USP54: variants seen among roughly 807,000 people sequenced by gnomAD.
The protein encoded by USP54 is ubiquitin specific peptidase 54.
A neutral mutation model predicts 170.5 loss-of-function variants in USP54; 87 were observed. That is an observed-to-expected ratio of 0.51 (90% CI 0.43 to 0.61). The LOEUF (loss-of-function observed/expected upper bound fraction) is 0.61, where lower values mean the gene tolerates loss of function less well. Among genes scored for constraint, USP54 ranks in the 20% least tolerant of loss-of-function variants. The pLI, the probability that USP54 is intolerant of heterozygous loss-of-function variation, is 0.00. For synonymous variants in USP54, 655 were observed against 742.8 expected (o/e 0.88, Z 1.92); for missense variants, 1,786 against 2,047.8 (o/e 0.87, Z 2.47).
In USP54 at chr10:73,534,734, T is replaced by G. The variant is rs1327927382; in HGVS notation, c.1181A>C (p.Asp394Ala). ...GTAGGGATAGCTCTCCGTTGAGGAA[T>G]CTGTTCGAGTGTCACTTGAGATGGA... ...EPSISSDTRTDSSTESYPYKH... is the reference protein window; with the variant it reads ...EPSISSDTRTASSTESYPYKH... Residue 394 changes from aspartate to alanine, a missense_variant, in exon 12 of 24, where the codon GAT becomes GCT. This residue lies in a region of USP54 where 1,418 missense variants were observed against 1,569.0 expected (regional missense o/e 0.90). Transcript: ENST00000687698. The G allele has an allele frequency of 6.2e-7, 1 of 1,614,054 alleles. No homozygotes were observed.
At chr10:73,550,582 T>C (rs2069028032) in intron 4 of USP54, among the ~76,000 whole-genome samples, 1 of 152,202 alleles carries the variant, frequency 6.6e-6, no homozygotes, top group Non-Finnish European at 1.5e-5. Flanking sequence ...TCTGTGTATA[T>C]TCCCAGCAAC....
Position 73,545,520 on chromosome 10 carries a change from C to A in USP54, c.375+18G>T. 1 of 1,613,372 alleles carries A rather than the reference C, an allele frequency of 6.2e-7. No homozygotes were observed. The highest frequency in any genetic ancestry group is 8.5e-7 in the Non-Finnish European group (1 of 1,179,470). On this transcript the variant is annotated intron_variant, in intron 5 of 23. Coordinates refer to ENST00000687698, the MANE Select transcript of USP54 (RefSeq NM_001391956.1). ...CAGTCCCACCCCATATCAAAGAGGG[C>A]CAGAGGCCAGCACTTACAAAGCACT... is the stretch of plus-strand genomic sequence containing the variant.
chr10:73,510,521 T>TGCA (rs1347003619), intron 20 of USP54, among the ~76,000 whole-genome samples: 1 of 150,142 alleles, frequency 6.7e-6, no homozygotes, highest in Non-Finnish European at 1.5e-5. Context: ...GGCAGCTCAC[T>TGCA]GCAACCTCCA....
rs756232820 is a variant in USP54, at chr10:73,505,389, G to A, written c.4089C>T (p.Ala1363=). 1.9e-5 allele frequency: 30 copies of A among 1,613,966 alleles called. No individual in the cohort carries two copies. The Admixed American group carries it at 4.8e-4, about 26-fold the overall frequency. The change falls in exon 21 of 24, where the codon GCC becomes GCT. Residue 1363 remains alanine, a synonymous_variant. Transcript: ENST00000687698. ...ADGMGRRLHS[A]HDPGLSKTST... ...AAGTCTTTGAGAGACCAGGATCATG[G>A]GCTGAGTGCAACCTCCTCCCCATGC...
At chr10:73,531,969 T>C (rs2064073952) in intron 12 of USP54, among the ~76,000 whole-genome samples, 1 of 152,094 alleles carries the variant, frequency 6.6e-6, no homozygotes, top group Non-Finnish European at 1.5e-5. Context: ...CTAGGTCAAA[T>C]GCATGGAGAG....
chr10:73,560,388 C>T (rs1234516443), intron 4 of USP54, among the ~76,000 whole-genome samples: 1 of 151,874 alleles, frequency 6.6e-6, no homozygotes, highest in Non-Finnish European at 1.5e-5. Context: ...GGCATGGTGG[C>T]TCACGCCTGT....
Position 73,599,473 on chromosome 10 carries a change from G to GT in USP54, c.-17-23799dup, listed in dbSNP as rs1445101610. On this transcript the variant is annotated intron_variant, in intron 1 of 22. Transcript: ENST00000339859. ...GATTTAACAATTTTACATGTCTATG[G>GT]TTTTCCAACTACTTTCCTTTCCTCT... Among the ~76,000 whole-genome samples, 3 of 152,034 alleles carry GT rather than the reference G, an allele frequency of 2.0e-5. No homozygotes were observed. The East Asian group carries it at 5.8e-4, about 29-fold the overall frequency.
At chr10:73,562,147 T>C (rs1356590086) in intron 4 of USP54, among the ~76,000 whole-genome samples, 2 of 152,136 alleles carry the variant, frequency 1.3e-5, no homozygotes, top group South Asian at 2.1e-4. Flanking sequence ...ATCTCCATGC[T>C]AGAATTCAGG....
Position 73,500,687 on chromosome 10 carries a change from G to C in USP54, c.4463C>G (p.Pro1488Arg), listed in dbSNP as rs1294973432. 1 of 1,604,918 alleles carries C rather than the reference G, an allele frequency of 6.2e-7. No individual in the cohort carries two copies. The highest frequency in any genetic ancestry group is 1.1e-5 in the South Asian group (1 of 90,310). The change falls in exon 23 of 24, where the codon CCC (proline) becomes CGC (arginine). Residue 1488 changes from proline (P) to arginine (R), a missense_variant. Pro to Arg is a moderately radical substitution (Grantham distance 103). Transcript: ENST00000687698. ...TCTATTGGGCTCCCCTGCCATGGTG[G>C]GCATCAGGACATCTGGGGACAGGAA... ...PQFLSPDVLM[P>R]TMAGEPNRLP... is the part of the protein sequence containing the mutation.
chr10:73,528,751 T>C (rs2063446797), intron 15 of USP54, among the ~76,000 whole-genome samples: 1 of 152,150 alleles, frequency 6.6e-6, no homozygotes, highest in South Asian at 2.1e-4. Flanking sequence ...TGTGCTAGCC[T>C]GGGATTACAG....
At chr10:73,565,785 A>G (rs1490545770) in intron 4 of USP54, among the ~76,000 whole-genome samples, 1 of 152,262 alleles carries the variant, frequency 6.6e-6, no homozygotes, top group Non-Finnish European at 1.5e-5. Flanking sequence ...ATATGTACAC[A>G]TAGGTAAACA....
intron 15 of USP54, chr10:73,529,398 C>T (rs1780162508): frequency 2.3e-6 from 1 of 431,688 alleles, no homozygotes; most frequent in Non-Finnish European, 4.3e-6. Flanking sequence ...ACTCCTATGA[C>T]ACAAGTTTAT....
intron 1 of USP54, among the ~76,000 whole-genome samples, chr10:73,600,284 T>C (rs1202602128): frequency 6.6e-6 from 1 of 152,210 alleles, no homozygotes; most frequent in East Asian, 1.9e-4. Flanking sequence ...TAAAAATTGA[T>C]TTTTTAATTA....
chr10:73,615,146 C>A (rs1366454711), intron 1 of USP54: 2 of 150,154 alleles, frequency 1.3e-5, no homozygotes, highest in African/African-American at 5.0e-5. Flanking sequence ...GAGGCCAGGA[C>A]TTTAAAACTA....
intron 1 of USP54, among the ~76,000 whole-genome samples, chr10:73,589,805 C>A (rs1281885770): frequency 6.6e-6 from 1 of 151,992 alleles, no homozygotes; most frequent in Non-Finnish European, 1.5e-5. Context: ...ACAGAGGATA[C>A]CAAAGAAAGG....
intron 1 of USP54, among the ~76,000 whole-genome samples, chr10:73,613,338 G>A (rs1370398800): frequency 1.3e-5 from 2 of 151,134 alleles, no homozygotes; most frequent in East Asian, 2.0e-4. Context: ...CACCATGTTG[G>A]CCAGGCTGGT....
chr10:73,521,667 A>G (rs745365531), intron 17 of USP54, among the ~76,000 whole-genome samples: 7 of 152,222 alleles, frequency 4.6e-5, no homozygotes, highest in Non-Finnish European at 8.8e-5. Context: ...AACTGCCTTC[A>G]TTCCTGGTTT....
chr10:73,500,573 C>A, intron 23 of USP54, 82 bp downstream of exon 23: 1 of 1,364,274 alleles, frequency 7.3e-7, no homozygotes. Context: ...CCCCCCTCCC[C>A]ATAGGTATAC....
intron 22 of USP54, among the ~76,000 whole-genome samples, chr10:73,503,518 A>C (rs1052413891): frequency 6.6e-6 from 1 of 152,236 alleles, no homozygotes; most frequent in African/African-American, 2.4e-5. Flanking sequence ...AAAAGAATGA[A>C]TCAATGAATG....
Sources: allele counts gnomAD v4.1 joint callset (sites outside exome capture counted in the v4.1 genomes callset), GRCh38; gene constraint gnomAD v4.1.1; regional missense constraint gnomAD v4.1.1; transcripts MANE v1.5; gene names NCBI Gene and HGNC (gene_info 2026-07-23, HGNC 2026-07-21).